Variants in GPC5 observed in about 807,000 individuals in gnomAD.
GPC5 encodes the protein glypican 5.
Under a neutral mutation model 53.9 loss-of-function variants are expected in GPC5, and 47 were observed. The observed-to-expected ratio is 0.87, with a 90% CI of 0.69 to 1.11. GPC5 has a LOEUF of 1.11. Ranked by LOEUF, GPC5 falls within the 50% of genes most tolerant of loss-of-function variation. GPC5 has a pLI of 0.00. For synonymous variants in GPC5, 286 were observed against 263.3 expected (o/e 1.09, Z -0.84); for missense variants, 748 against 713.1 (o/e 1.05, Z -0.56).
chr13:92,385,783 GTATATATATACATATATACGTA>G (rs1874681773), intron 7 of GPC5, among the ~76,000 whole-genome samples: 12 of 99,530 alleles, frequency 1.2e-4, no homozygotes, highest in Non-Finnish European at 2.1e-4. Context: ...ATACATATAT[GTATATATATACATATATACGTA>G]TATATATACA....
intron 7 of GPC5, among the ~76,000 whole-genome samples, chr13:92,618,063 A>G (rs1030586123): frequency 2.0e-5 from 3 of 152,172 alleles, no homozygotes; most frequent in Non-Finnish European, 2.9e-5. Flanking sequence ...ATTAATAAAA[A>G]CTTGTCATGC....
chr13:92,077,516 T>C (rs2041261733), intron 6 of GPC5, among the ~76,000 whole-genome samples: 2 of 152,158 alleles, frequency 1.3e-5, no homozygotes, highest in Non-Finnish European at 2.9e-5. Context: ...CGTTTCATGG[T>C]AGCATTTTCC....
At position 92,640,073 on chromosome 13, in the gene GPC5, A is replaced by T. The variant is rs186021422; in HGVS notation, c.1562-226209A>T. Among the ~76,000 whole-genome samples, 319 of 152,166 alleles carry T rather than the reference A, an allele frequency of 2.1e-3. 1 individual carries two copies. The highest frequency in any genetic ancestry group is 3.3e-3 in the Admixed American group (50 of 15,262). On this transcript the variant is annotated intron_variant, in intron 7 of 7. Coordinates refer to ENST00000377067, the MANE Select transcript of GPC5 (RefSeq NM_004466.6). The stretch of plus-strand genomic sequence containing the variant: ...TCAAATGTAGCTAAGCAAAGAAACT[A>T]GAGTCTCAGTATGAGACAGATATAT...
chr13:91,981,245 A>C (rs1337513628), intron 6 of GPC5, among the ~76,000 whole-genome samples: 1 of 151,952 alleles, frequency 6.6e-6, no homozygotes, highest in African/African-American at 2.4e-5. Context: ...TGATGTGTTG[A>C]TAAACTGGCT....
At chr13:91,604,314 G>A (rs1046845487) in intron 2 of GPC5, among the ~76,000 whole-genome samples, 1 of 145,854 alleles carries the variant, frequency 6.9e-6, no homozygotes, top group African/African-American at 2.6e-5. Flanking sequence ...AGTATTCCAT[G>A]GTGTATATGT....
chr13:92,353,036 G>C (rs1378508077), intron 7 of GPC5, among the ~76,000 whole-genome samples: 4 of 151,880 alleles, frequency 2.6e-5, no homozygotes, highest in African/African-American at 9.7e-5. Flanking sequence ...CGAGGCGGGT[G>C]GATCATGAGG....
intron 6 of GPC5, among the ~76,000 whole-genome samples, chr13:92,131,193 A>C (rs2041740259): frequency 6.6e-6 from 1 of 152,032 alleles, no homozygotes; most frequent in Non-Finnish European, 1.5e-5. Context: ...CAAGGGTTTC[A>C]GAAGGTGTGG....
At chr13:92,602,628 T>C (rs1296176549) in intron 7 of GPC5, among the ~76,000 whole-genome samples, 1 of 152,080 alleles carries the variant, frequency 6.6e-6, no homozygotes, top group East Asian at 1.9e-4. Context: ...CTGAGAACAG[T>C]ATAGGCCAAA....
intron 2 of GPC5, among the ~76,000 whole-genome samples, chr13:91,594,713 C>G (rs2032926128): frequency 6.6e-6 from 1 of 152,100 alleles, no homozygotes; most frequent in Admixed American, 6.6e-5. Context: ...GGGTCTCACC[C>G]TGTCACCTAG....
chr13:92,450,283 T>G (rs1356093440), intron 7 of GPC5, among the ~76,000 whole-genome samples: 1 of 152,194 alleles, frequency 6.6e-6, no homozygotes, highest in Non-Finnish European at 1.5e-5. Flanking sequence ...GTATTTCATA[T>G]GTTAGATTGA....
chr13:91,983,414 G>T (rs897459296), intron 6 of GPC5, among the ~76,000 whole-genome samples: 1 of 152,000 alleles, frequency 6.6e-6, no homozygotes, highest in Non-Finnish European at 1.5e-5. Context: ...TGTGGCAAGA[G>T]CTTCCTGGTC....
intron 2 of GPC5, among the ~76,000 whole-genome samples, chr13:91,593,418 T>C (rs1422299822): frequency 2.0e-5 from 3 of 152,200 alleles, no homozygotes; most frequent in Non-Finnish European, 2.9e-5. Context: ...TAGAAAATAT[T>C]TTTTACATTT....
At chr13:92,680,788 T>C (rs1887088211) in intron 7 of GPC5, among the ~76,000 whole-genome samples, 1 of 152,182 alleles carries the variant, frequency 6.6e-6, no homozygotes, top group Admixed American at 6.6e-5. Context: ...GAGGAAAATA[T>C]ATATTGATCT....
intron 7 of GPC5, among the ~76,000 whole-genome samples, chr13:92,456,528 C>T (rs1240478563): frequency 6.6e-6 from 1 of 152,140 alleles, no homozygotes; most frequent in Non-Finnish European, 1.5e-5. Flanking sequence ...ATTCATGAGG[C>T]CAGTGCAAAA....
chr13:92,066,895 A>C (rs551482196), intron 6 of GPC5, among the ~76,000 whole-genome samples: 1 of 152,192 alleles, frequency 6.6e-6, no homozygotes, highest in East Asian at 1.9e-4. Flanking sequence ...GCTTTAAGCA[A>C]ATGTTAGAAA....
At chr13:91,611,390 T>G (rs1241103944) in intron 2 of GPC5, among the ~76,000 whole-genome samples, 1 of 152,202 alleles carries the variant, frequency 6.6e-6, no homozygotes, top group African/African-American at 2.4e-5. Context: ...CTGCTTTGCT[T>G]CCAGTCACTA....
At chr13:92,819,986 A>G (rs1288409566) in intron 7 of GPC5, among the ~76,000 whole-genome samples, 1 of 151,926 alleles carries the variant, frequency 6.6e-6, no homozygotes, top group Non-Finnish European at 1.5e-5. Flanking sequence ...TCCATACCCC[A>G]TTTTTTGCTG....
At chr13:91,974,092 C>G (rs555729140) in intron 6 of GPC5, among the ~76,000 whole-genome samples, 1 of 152,310 alleles carries the variant, frequency 6.6e-6, no homozygotes, top group African/African-American at 2.4e-5. Flanking sequence ...GTGGAATCTA[C>G]AGAGGCAGGC....
At position 92,344,882 on chromosome 13, in the gene GPC5, A is replaced by C. The variant is rs150178140; in HGVS notation, c.1561+199893A>C. Among the ~76,000 whole-genome samples, 84 of 152,264 alleles carry C rather than the reference A, an allele frequency of 5.5e-4. 4 individuals carry two copies. In the East Asian group the frequency reaches 0.014, roughly 25 times the overall value. On this transcript the variant is annotated intron_variant, in intron 7 of 7. Transcript: ENST00000377067. ...AGACTGAAGTTTGGTCTTTTTTCATATATTAGCTGACTGATTATATGATAT... is the reference window on the plus strand; with the variant it reads ...AGACTGAAGTTTGGTCTTTTTTCATCTATTAGCTGACTGATTATATGATAT...
Sources: gnomAD v4.1 joint callset for allele counts (sites outside exome capture counted in the v4.1 genomes callset) on GRCh38, gnomAD v4.1.1 for gene constraint, MANE v1.5 for transcripts, NCBI Gene and HGNC (gene_info 2026-07-23, HGNC 2026-07-21) for gene names.